SVIL: variants seen among roughly 807,000 people sequenced by gnomAD.
The protein encoded by SVIL is supervillin.
Under a neutral mutation model 240.4 loss-of-function variants are expected in SVIL, and 101 were observed. That is an observed-to-expected ratio of 0.42 (90% CI 0.36 to 0.50). The LOEUF (loss-of-function observed/expected upper bound fraction) is 0.50. Ranked by LOEUF, SVIL falls within the 20% of genes least tolerant of loss-of-function variation. The pLI is 0.01. For synonymous variants in SVIL, 999 were observed against 1,100.0 expected, an observed-to-expected ratio of 0.91 and a Z score of 1.82; for missense variants, 2,512 against 2,818.7, an observed-to-expected ratio of 0.89 and a Z score of 2.46.
chr10:29,603,316 CA>C (rs1424078863), intron 1 of SVIL, among the ~76,000 whole-genome samples: 3 of 151,622 alleles, frequency 2.0e-5, no homozygotes, highest in African/African-American at 7.3e-5. Context: ...AAAAGAGAAG[CA>C]GGGGGAGAAG....
chr10:29,511,786 A>G (rs1949858976), intron 17 of SVIL, among the ~76,000 whole-genome samples: 1 of 152,226 alleles, frequency 6.6e-6, no homozygotes, highest in Non-Finnish European at 1.5e-5. Context: ...ACACAGAAGT[A>G]TCAGAGGAAA....
chr10:29,474,131 C>A (rs1296625266), intron 29 of SVIL, 142 bp from the exon 30 acceptor site: 1 of 1,179,860 alleles, frequency 8.5e-7, no homozygotes, highest in Admixed American at 2.8e-5. Context: ...CCGTTGGCAC[C>A]TGGAGGGAAG....
chr10:29,684,970 GTAGGTAAAAC>G, intron 2 of SVIL, among the ~76,000 whole-genome samples: 1 of 152,058 alleles, frequency 6.6e-6, no homozygotes, highest in Admixed American at 6.5e-5. Flanking sequence ...GGTTTATTAC[GTAGGTAAAAC>G]TGTGTGTCAC....
At chr10:29,461,913 G>C (rs1944306514) in intron 36 of SVIL, among the ~76,000 whole-genome samples, 1 of 152,190 alleles carries the variant, frequency 6.6e-6, no homozygotes, top group African/African-American at 2.4e-5. Context: ...AAACATGAGG[G>C]TTTGGTTGTG....
chr10:29,503,951 C>T (rs1469505038), intron 17 of SVIL, among the ~76,000 whole-genome samples: 1 of 152,176 alleles, frequency 6.6e-6, no homozygotes. Context: ...TCAAGACTTA[C>T]TATAAAGCCT....
chr10:29,498,231 A>C (rs945824684), intron 18 of SVIL, among the ~76,000 whole-genome samples: 1 of 151,744 alleles, frequency 6.6e-6, no homozygotes, highest in African/African-American at 2.4e-5. Context: ...CACCTGGCCC[A>C]CATGGTGAAA....
intron 1 of SVIL, among the ~76,000 whole-genome samples, chr10:29,712,876 A>G (rs998127841): frequency 7.2e-5 from 11 of 152,164 alleles, no homozygotes; most frequent in African/African-American, 2.7e-4. Flanking sequence ...GTTTATGAAC[A>G]TTAAAACTGC....
chr10:29,468,807 T>C (rs1221044017), intron 32 of SVIL: 2 of 152,146 alleles, frequency 1.3e-5, no homozygotes, highest in South Asian at 2.1e-4. Flanking sequence ...GAGGGGAAGT[T>C]GACTTGCTCC....
chr10:29,712,320 TG>T (rs1448010064), intron 1 of SVIL, among the ~76,000 whole-genome samples: 2 of 152,150 alleles, frequency 1.3e-5, no homozygotes, highest in Non-Finnish European at 2.9e-5. Context: ...ATGCTCTTTC[TG>T]GGGGGCGGGG....
intron 6 of SVIL, among the ~76,000 whole-genome samples, chr10:29,538,272 A>G (rs2132589095): frequency 6.6e-6 from 1 of 152,360 alleles, no homozygotes; most frequent in South Asian, 2.1e-4. Flanking sequence ...GGCTTGTGTA[A>G]GAATGTTGGC....
intron 36 of SVIL, among the ~76,000 whole-genome samples, chr10:29,460,432 G>A (rs1944113869): frequency 6.6e-6 from 1 of 152,200 alleles, no homozygotes; most frequent in Non-Finnish European, 1.5e-5. Context: ...AAGATCTATA[G>A]TGAATACACA....
chr10:29,572,968 T>C (rs1955515205), intron 1 of SVIL, among the ~76,000 whole-genome samples: 1 of 152,152 alleles, frequency 6.6e-6, no homozygotes, highest in African/African-American at 2.4e-5. Context: ...TAAAAGAATC[T>C]AAATGTTTAT....
intron 3 of SVIL, among the ~76,000 whole-genome samples, chr10:29,557,788 T>C (rs920313233): frequency 1.3e-5 from 2 of 152,138 alleles, no homozygotes; most frequent in Admixed American, 1.3e-4. Context: ...CATCCACTTC[T>C]GGGCATAAAA....
chr10:29,465,520 C>T (rs560005125), intron 34 of SVIL, 75 bp downstream of exon 34: 1 of 1,517,398 alleles, frequency 6.6e-7, no homozygotes, highest in East Asian at 2.3e-5. Flanking sequence ...TTAATAAATA[C>T]CAACGTAAAA....
chr10:29,684,115 A>G (rs1217651032), intron 2 of SVIL, among the ~76,000 whole-genome samples: 1 of 152,176 alleles, frequency 6.6e-6, no homozygotes, highest in Admixed American at 6.5e-5. Context: ...AAACTGTAGA[A>G]TTCCTTTTGG....
At chr10:29,721,651 G>C (rs1228991797) in intron 1 of SVIL, among the ~76,000 whole-genome samples, 1 of 152,140 alleles carries the variant, frequency 6.6e-6, no homozygotes, top group African/African-American at 2.4e-5. Context: ...AGTTCTTCAA[G>C]GGGACATAAG....
intron 1 of SVIL, among the ~76,000 whole-genome samples, chr10:29,697,014 T>TG (rs1268626348): frequency 1.4e-5 from 1 of 70,672 alleles, no homozygotes; most frequent in African/African-American, 5.7e-5. Context: ...GGGAGGGAGG[T>TG]GGGGGGCTCA....
rs1184996290 is a variant in SVIL at position 29,643,435 on chromosome 10, A to G, written c.-201+14534T>C. 7.2e-5 allele frequency among the ~76,000 whole-genome samples: 11 copies of G among 152,202 alleles called. No individual in the cohort carries two copies. The East Asian group carries it at 1.9e-3, about 27-fold the overall frequency. On this transcript the variant is annotated intron_variant, in intron 3 of 35. Coordinates refer to the SVIL transcript ENST00000375400. ...GACTTGGAATCATTTCCTTTTCCCA[A>G]AAAGCTTAGGATTTTGACCTCTATG...
intron 22 of SVIL, among the ~76,000 whole-genome samples, chr10:29,489,592 G>A (rs376510731): frequency 7.9e-5 from 12 of 152,288 alleles, no homozygotes; most frequent in African/African-American, 2.9e-4. Context: ...CTGTCGCCCA[G>A]CCTGGAGTGC....
Sources: gnomAD v4.1 joint callset for allele counts (sites outside exome capture counted in the v4.1 genomes callset) on GRCh38, gnomAD v4.1.1 for gene constraint, MANE v1.5 for transcripts, NCBI Gene and HGNC (gene_info 2026-07-23, HGNC 2026-07-21) for gene names.